TAOK3: variants seen among roughly 807,000 people sequenced by gnomAD.
The protein encoded by TAOK3 is serine/threonine-protein kinase TAO3.
Under a neutral mutation model 120.4 loss-of-function variants are expected in TAOK3, and 40 were observed. The observed-to-expected ratio is 0.33, with a 90% CI of 0.26 to 0.43. The LOEUF is 0.43. Ranked by LOEUF, TAOK3 falls within the 20% of genes least tolerant of loss-of-function variation. The pLI is 1.00. For missense variants in TAOK3, 821 were observed against 1,112.1 expected (o/e 0.74, Z 3.72); for synonymous variants, 355 against 387.5 (o/e 0.92, Z 0.99).
chr12:118,190,025 C>A, intron 13 of TAOK3, 84 bp from the exon 14 acceptor site: 2 of 1,558,276 alleles, frequency 1.3e-6, no homozygotes, highest in Non-Finnish European at 1.8e-6. Flanking sequence ...TCTTTCTGCA[C>A]AAGCACTGCT....
At chr12:118,163,563 G>A (rs575608543) in intron 17 of TAOK3, among the ~76,000 whole-genome samples, 1 of 149,752 alleles carries the variant, frequency 6.7e-6, no homozygotes, top group South Asian at 2.1e-4. Flanking sequence ...TTATAGGCAT[G>A]AGCCACCCCA....
At chr12:118,279,836 G>A (rs139371139) in intron 1 of TAOK3, among the ~76,000 whole-genome samples, 121 of 148,794 alleles carry the variant, frequency 8.1e-4, no homozygotes, top group Middle Eastern at 3.4e-3. Flanking sequence ...TTTGATCTCC[G>A]CTTACTGCAA....
intron 13 of TAOK3, among the ~76,000 whole-genome samples, chr12:118,191,369 G>T (rs576370674): frequency 7.9e-4 from 120 of 152,182 alleles, no homozygotes; most frequent in African/African-American, 2.8e-3. Flanking sequence ...TGCCATTGAG[G>T]GCATATATAT....
intron 1 of TAOK3, among the ~76,000 whole-genome samples, chr12:118,365,237 T>A (rs1055149087): frequency 4.6e-5 from 7 of 152,206 alleles, no homozygotes; most frequent in African/African-American, 1.4e-4. Context: ...CTCTCTTTTT[T>A]AATTTTTTTA....
chr12:118,274,036 A>G (rs2041819851), intron 1 of TAOK3, among the ~76,000 whole-genome samples: 1 of 152,108 alleles, frequency 6.6e-6, no homozygotes, highest in African/African-American at 2.4e-5. Context: ...TCGAAGTCAC[A>G]TAGTTAGGAC....
chr12:118,245,405 C>T (rs748921458), intron 3 of TAOK3, among the ~76,000 whole-genome samples: 1 of 152,084 alleles, frequency 6.6e-6, no homozygotes, highest in Non-Finnish European at 1.5e-5. Flanking sequence ...TAGCCTCTGC[C>T]TCCCGGGTTC....
chr12:118,183,372 G>A (rs193254623), intron 14 of TAOK3, among the ~76,000 whole-genome samples: 13 of 152,164 alleles, frequency 8.5e-5, no homozygotes, highest in Admixed American at 3.3e-4. Context: ...AACCTTTCCA[G>A]TTGAAACTAA....
At chr12:118,352,518 TCATATATATACA>T (rs1340378651) in intron 1 of TAOK3, among the ~76,000 whole-genome samples, 18 of 150,180 alleles carry the variant, frequency 1.2e-4, no homozygotes, top group African/African-American at 4.5e-4. Context: ...AAAAAAAAAA[TCATATATATACA>T]CATATATATA....
chr12:118,190,257 T>C, intron 13 of TAOK3: 1 of 211,018 alleles, frequency 4.7e-6, no homozygotes, highest in Non-Finnish European at 9.4e-6. Flanking sequence ...TTAGAACAGT[T>C]TGCTTAAAAC....
chr12:118,189,582 G>GTT (rs57146377), intron 14 of TAOK3, among the ~76,000 whole-genome samples: 13,123 of 140,548 alleles, frequency 0.093, 913 homozygotes, highest in Non-Finnish European at 0.13. Flanking sequence ...ACACACAAAG[G>GTT]TTTTTTTTTT....
intron 11 of TAOK3, among the ~76,000 whole-genome samples, chr12:118,202,988 T>C (rs2038106704): frequency 6.6e-6 from 1 of 151,732 alleles, no homozygotes; most frequent in African/African-American, 2.4e-5. Flanking sequence ...CCATGTTGCC[T>C]TGGCTGGTCT....
intron 9 of TAOK3, among the ~76,000 whole-genome samples, chr12:118,217,556 T>C (rs1318226429): frequency 1.3e-5 from 2 of 151,332 alleles, no homozygotes; most frequent in Non-Finnish European, 2.9e-5. Context: ...CCTGGTGGCA[T>C]GCGCCTGTAA....
At chr12:118,215,097 T>A (rs1009058973) in intron 9 of TAOK3, among the ~76,000 whole-genome samples, 2 of 150,608 alleles carry the variant, frequency 1.3e-5, no homozygotes, top group Non-Finnish European at 3.0e-5. Context: ...GCCAGGCTGG[T>A]CTCGAACTCC....
intron 4 of TAOK3, 105 bp from the exon 5 acceptor site, chr12:118,243,621 A>G (rs1455195777): frequency 4.3e-6 from 2 of 467,112 alleles, no homozygotes; most frequent in South Asian, 4.7e-5. Flanking sequence ...AAATGGACAT[A>G]AAGTAAATGT....
At position 118,269,222 on chromosome 12, in the gene TAOK3, C is replaced by T. The variant is rs538536347; in HGVS notation, c.-193-2463G>A. Among the ~76,000 whole-genome samples the T allele has an allele frequency of 6.2e-4, 93 of 150,398 alleles. 1 individual carries two copies. The highest frequency in any genetic ancestry group is 3.6e-3 in the South Asian group (17 of 4,774). ...TGTTGCCCAGGCTGGAGTACAGTGG[C>T]GAGATTTCAGCTCACTGCAACCTCC... On this transcript the variant is annotated intron_variant, in intron 1 of 20. Transcript: ENST00000392533.
intron 13 of TAOK3, among the ~76,000 whole-genome samples, chr12:118,198,116 T>C (rs1439678532): frequency 3.9e-5 from 6 of 152,150 alleles, no homozygotes; most frequent in Non-Finnish European, 7.3e-5. Flanking sequence ...GGTCCTTTGC[T>C]GTCTCTCTGG....
chr12:118,208,991 TG>T (rs2038482010), intron 11 of TAOK3, among the ~76,000 whole-genome samples: 1 of 152,228 alleles, frequency 6.6e-6, no homozygotes. Flanking sequence ...ATTACAGGCA[TG>T]AGCCACCGTG....
At chr12:118,179,617 A>G (rs899423239) in intron 15 of TAOK3, among the ~76,000 whole-genome samples, 2 of 150,106 alleles carry the variant, frequency 1.3e-5, no homozygotes, top group African/African-American at 4.9e-5. Flanking sequence ...AAAAGATGAT[A>G]TTATGACTAT....
intron 1 of TAOK3, among the ~76,000 whole-genome samples, chr12:118,364,918 A>C (rs915177045): frequency 2.0e-5 from 3 of 152,144 alleles, no homozygotes; most frequent in African/African-American, 7.2e-5. Context: ...AACATAATAA[A>C]CAGCTACCAT....
Sources: gnomAD v4.1 joint callset for allele counts (sites outside exome capture counted in the v4.1 genomes callset) on GRCh38, gnomAD v4.1.1 for gene constraint, MANE v1.5 for transcripts, NCBI Gene and HGNC (gene_info 2026-07-23, HGNC 2026-07-21) for gene names.